Variants in NDFIP2 observed in about 807,000 individuals in gnomAD.
NDFIP2 encodes NEDD4 family-interacting protein 2.
In NDFIP2, 19 loss-of-function variants were observed where a neutral mutation model predicts 36.0. The ratio of observed to expected loss-of-function variants is 0.53; its 90% confidence interval spans 0.37 to 0.77. NDFIP2 has a LOEUF of 0.77. Among genes scored for constraint, NDFIP2 ranks in the 30% least tolerant of loss-of-function variants. NDFIP2 has a pLI of 0.00. For missense variants in NDFIP2, 446 were observed against 435.8 expected (o/e 1.02, Z -0.21); for synonymous variants, 181 against 167.7 (o/e 1.08, Z -0.61).
intron 1 of NDFIP2, 25 bp downstream of exon 1, chr13:79,481,549 C>T: frequency 6.5e-7 from 1 of 1,528,484 alleles, no homozygotes; most frequent in Non-Finnish European, 8.8e-7. Context: ...TCCTGTGCCT[C>T]CCGGGACTGC....
chr13:79,487,702 C>T (rs113819914), intron 1 of NDFIP2, among the ~76,000 whole-genome samples: 3,087 of 152,260 alleles, frequency 0.02, 47 homozygotes, highest in Admixed American at 0.046. Flanking sequence ...TGCAAACATT[C>T]TGCTGCTGTC....
chr13:79,523,614 G>T (rs941114328), intron 2 of NDFIP2, among the ~76,000 whole-genome samples: 1 of 152,132 alleles, frequency 6.6e-6, no homozygotes, highest in African/African-American at 2.4e-5. Context: ...TAATAAACTA[G>T]AACAGTTATG....
intron 2 of NDFIP2, among the ~76,000 whole-genome samples, chr13:79,525,344 G>A (rs1412951784): frequency 1.3e-5 from 2 of 152,194 alleles, no homozygotes; most frequent in African/African-American, 2.4e-5. Flanking sequence ...AGCAGAACTA[G>A]CACAAATTTC....
intron 1 of NDFIP2, among the ~76,000 whole-genome samples, chr13:79,491,426 C>T (rs774606912): frequency 6.6e-6 from 1 of 152,170 alleles, no homozygotes; most frequent in Non-Finnish European, 1.5e-5. Flanking sequence ...TCCTCTGTCT[C>T]TCTCTCTGAA....
At position 79,553,562 on chromosome 13, in the gene NDFIP2, G is replaced by C. The variant is rs978904371; in HGVS notation, c.*1049G>C. ...AATTTTTTAGAGTTTAATTTGTAAAGCTTAGCAAATAAAATCTTGTACTAT... is the reference window on the plus strand; with the variant it reads ...AATTTTTTAGAGTTTAATTTGTAAACCTTAGCAAATAAAATCTTGTACTAT... On this transcript the variant is annotated 3_prime_UTR_variant, in exon 8 of 8. Transcript: ENST00000218652. 6.6e-6 allele frequency: 1 copy of C among 151,590 alleles called. No homozygotes were observed. The highest frequency in any genetic ancestry group is 2.4e-5 in the African/African-American group (1 of 41,356). 9.4% of individuals were successfully genotyped at this position (151,590 alleles called of 1,614,324 possible).
chr13:79,529,450 A>G (rs1874926647), intron 2 of NDFIP2, among the ~76,000 whole-genome samples: 1 of 152,194 alleles, frequency 6.6e-6, no homozygotes, highest in Admixed American at 6.5e-5. Flanking sequence ...TAAAATTTAC[A>G]GTTTTAATGT....
intron 4 of NDFIP2, among the ~76,000 whole-genome samples, chr13:79,540,826 T>C (rs1004819723): frequency 4.6e-5 from 7 of 152,196 alleles, no homozygotes; most frequent in Non-Finnish European, 7.4e-5. Context: ...TCAAATTTAC[T>C]AATTGTAATG....
At position 79,513,281 on chromosome 13, in the gene NDFIP2, A is replaced by T. The variant is rs142525363; in HGVS notation, c.322-7529A>T. ...TGGAAAGGATTTTAGGGAGACAGTCACATGTCTACTTTGTTTAACACACAG... is the reference window on the plus strand; with the variant it reads ...TGGAAAGGATTTTAGGGAGACAGTCTCATGTCTACTTTGTTTAACACACAG... On this transcript the variant is annotated intron_variant, in intron 1 of 7. Transcript: ENST00000218652. Among the ~76,000 whole-genome samples the T allele has an allele frequency of 3.5e-3, 537 of 152,316 alleles. 3 individuals are homozygous for T. The highest frequency in any genetic ancestry group is 0.012 in the African/African-American group (497 of 41,550).
chr13:79,530,640 A>G (rs1347352409), intron 2 of NDFIP2, among the ~76,000 whole-genome samples: 1 of 152,228 alleles, frequency 6.6e-6, no homozygotes, highest in African/African-American at 2.4e-5. Flanking sequence ...AACGATGTTC[A>G]CAGCATCTTC....
intron 2 of NDFIP2, among the ~76,000 whole-genome samples, chr13:79,528,257 C>CA (rs1461146512): frequency 1.4e-5 from 2 of 146,700 alleles, no homozygotes; most frequent in Non-Finnish European, 3.0e-5. Flanking sequence ...CCTTGTCACA[C>CA]AAAAAAAAGT....
At chr13:79,538,217 A>C (rs1875319103) in intron 3 of NDFIP2, among the ~76,000 whole-genome samples, 1 of 152,218 alleles carries the variant, frequency 6.6e-6, no homozygotes, top group Non-Finnish European at 1.5e-5. Context: ...ACAGTTGAGG[A>C]TTACAGTTGA....
At position 79,489,938 on chromosome 13, in the gene NDFIP2, CCCTGG is replaced by C. The variant is rs541945927; in HGVS notation, c.321+8419_321+8423del. Among the ~76,000 whole-genome samples, 52 of 152,272 alleles carry C rather than the reference CCCTGG, an allele frequency of 3.4e-4. No individual in the cohort carries two copies. In the South Asian group the frequency reaches 0.01, roughly 30 times the overall value. The stretch of plus-strand genomic sequence containing the variant: ...TCTAATGCCGAATGAAAATGTGGGG[CCCTGG>C]CCTGTGATGAGGAAGTCAATCTCCC... On this transcript the variant is annotated intron_variant, in intron 1 of 7. Transcript: ENST00000218652.
intron 5 of NDFIP2, among the ~76,000 whole-genome samples, chr13:79,547,191 A>G (rs1019085378): frequency 5.3e-5 from 8 of 152,150 alleles, no homozygotes; most frequent in African/African-American, 1.4e-4. Flanking sequence ...TTTATTTGAT[A>G]TGCTTACTAA....
intron 3 of NDFIP2, among the ~76,000 whole-genome samples, chr13:79,533,695 A>G (rs1875109834): frequency 6.6e-6 from 1 of 152,176 alleles, no homozygotes; most frequent in African/African-American, 2.4e-5. Context: ...ATAGCCTAGA[A>G]ATATCAAAAA....
intron 1 of NDFIP2, among the ~76,000 whole-genome samples, chr13:79,496,508 A>C (rs749294073): frequency 6.6e-6 from 1 of 151,934 alleles, no homozygotes; most frequent in African/African-American, 2.4e-5. Context: ...TTGTGTAATG[A>C]TAAGTCTAGG....
intron 1 of NDFIP2, among the ~76,000 whole-genome samples, chr13:79,503,569 T>G (rs1873749383): frequency 6.6e-6 from 1 of 152,138 alleles, no homozygotes; most frequent in African/African-American, 2.4e-5. Flanking sequence ...GTTGTATGAA[T>G]GTAATGTTTT....
At chr13:79,548,032 A>G (rs1001075140) in intron 5 of NDFIP2, among the ~76,000 whole-genome samples, 6 of 152,108 alleles carry the variant, frequency 3.9e-5, no homozygotes, top group African/African-American at 1.4e-4. Flanking sequence ...AATTTCTAAT[A>G]AGAAAATGTG....
Position 79,543,651 on chromosome 13 carries a change from T to C in NDFIP2, c.809T>C (p.Leu270Pro). 1 of 1,613,890 alleles carries C rather than the reference T, an allele frequency of 6.2e-7. No individual in the cohort carries two copies. Among genetic ancestry groups the C allele is most frequent in the Non-Finnish European group, 8.5e-7 (1 of 1,179,856 alleles). ...TATGGTGCTATCTGCGGATTTGGCC[T>C]TTCCTTGATCAAATGGATCCTTATT... ...GRYGAICGFG[L>P]SLIKWILIVR... Residue 270 changes from leucine (L) to proline (P), a missense_variant, in exon 5 of 8, where the codon CTT becomes CCT. Around this residue, in one of 2 missense-constraint regions of NDFIP2, gnomAD observed 77 missense variants for 131.0 expected, o/e 0.59. Transcript: ENST00000218652.
chr13:79,508,295 T>A (rs2140752145), intron 1 of NDFIP2, among the ~76,000 whole-genome samples: 1 of 152,306 alleles, frequency 6.6e-6, no homozygotes. Context: ...CACTTTTACC[T>A]TTACTAGTGT....
Sources: gnomAD v4.1 joint callset for allele counts (sites outside exome capture counted in the v4.1 genomes callset) on GRCh38, gnomAD v4.1.1 for gene constraint, gnomAD v4.1.1 regional missense constraint, MANE v1.5 for transcripts, NCBI Gene and HGNC (gene_info 2026-07-23, HGNC 2026-07-21) for gene names.